The following ZNF311 variants were observed in gnomAD, a reference collection of about 807,000 sequenced individuals.
ZNF311 encodes zinc finger protein zfp31.
A neutral mutation model predicts 22.7 loss-of-function variants in ZNF311; 14 were observed. That is an observed-to-expected ratio of 0.62 (90% CI 0.41 to 0.96). The LOEUF (loss-of-function observed/expected upper bound fraction) is 0.96. Ranked by LOEUF, ZNF311 falls within the 40% of genes least tolerant of loss-of-function variation. ZNF311 has a pLI of 0.00. For synonymous variants in ZNF311, 250 were observed against 275.3 expected (o/e 0.91, Z 0.91); for missense variants, 731 against 799.0 (o/e 0.91, Z 1.03).
At chr6:29,004,442 C>CTTTTTTTT (rs9280531) in intron 1 of ZNF311, among the ~76,000 whole-genome samples, 14 of 30,596 alleles carry the variant, frequency 4.6e-4, no homozygotes, top group Non-Finnish European at 5.2e-4. Context: ...TTCCTCCTTT[C>CTTTTTTTT]TTTTTTTTTT....
At chr6:28,998,001 G>A (rs1258736368) in intron 6 of ZNF311, among the ~76,000 whole-genome samples, 2 of 151,930 alleles carry the variant, frequency 1.3e-5, no homozygotes, top group Non-Finnish European at 2.9e-5. Flanking sequence ...CCTCCCCAAA[G>A]CTATTCTAAG....
chr6:29,004,216 T>C lies in ZNF311; in HGVS notation c.-260-2A>G. 7.2e-7 allele frequency: 1 copy of C among 1,397,108 alleles called. No individual in the cohort carries two copies. The highest frequency in any genetic ancestry group is 9.3e-7 in the Non-Finnish European group (1 of 1,079,392). 86.5% of individuals were successfully genotyped at this position (1,397,108 alleles called of 1,614,324 possible). On this transcript the variant is annotated splice_acceptor_variant, in intron 1 of 6. Coordinates refer to ENST00000377179, the MANE Select transcript of ZNF311 (RefSeq NM_001382360.1). LOFTEE classifies it low-confidence loss of function (5UTR_SPLICE). ...GCTGTGATCTCACATCTTGTTTCCC[T>C]GCATATTTGGTGAAGGGAAAAGAGG... is the stretch of plus-strand genomic sequence containing the variant.
Position 28,995,233 on chromosome 6 carries a change from G to T in ZNF311, c.1769C>A (p.Thr590Lys), listed in dbSNP as rs75164486. ...EKPYTCSECGTSFRQGSALIG... is the reference protein window; with the variant it reads ...EKPYTCSECGKSFRQGSALIG... ...CAGAGCTGAGCCCTGACGGAAGGAC[G>T]TGCCACACTCACTGCAGGTGTATGG... The change falls in exon 7 of 7, where the codon ACG becomes AAG. Residue 590 changes from threonine (T) to lysine (K), a missense_variant. Coordinates refer to ENST00000377179, the MANE Select transcript of ZNF311 (RefSeq NM_001382360.1). The surrounding 1 kb of genome is among the most constrained non-coding windows in gnomAD (Gnocchi z 4.7). 640 of 1,614,068 alleles carry T rather than the reference G, an allele frequency of 4.0e-4. No homozygotes were observed. Among genetic ancestry groups the T allele is most frequent in the Non-Finnish European group, 5.2e-4 (612 of 1,180,040 alleles).
chr6:28,999,082 CTGTT>C (rs1233623434), intron 5 of ZNF311, among the ~76,000 whole-genome samples: 3 of 148,124 alleles, frequency 2.0e-5, no homozygotes, highest in Admixed American at 6.7e-5. Context: ...GTGTGCTCTC[CTGTT>C]TTTTTTTTTT....
chr6:29,004,614 C>T (rs1225450656), intron 1 of ZNF311, among the ~76,000 whole-genome samples: 2 of 152,130 alleles, frequency 1.3e-5, no homozygotes, highest in Non-Finnish European at 1.5e-5. Flanking sequence ...CTGCTGAAAA[C>T]TCTCCAGTGG....
At position 28,996,106 on chromosome 6, in the gene ZNF311, CCT is replaced by C. The variant is rs748265670; in HGVS notation, c.894_895del (p.Lys301ThrfsTer3). On this transcript the variant is annotated frameshift_variant, in exon 7 of 7. Coordinates refer to ENST00000377179, the MANE Select transcript of ZNF311 (RefSeq NM_001382360.1). LOFTEE classifies it low-confidence loss of function (END_TRUNC). ...CTGGGTGCAATTAAAAGGTTTCTCC[CCT>C]GTGTGGATTATCCGGTGCATAGAAA... The C allele has an allele frequency of 1.1e-5, 18 of 1,613,184 alleles. No homozygotes were observed. Among genetic ancestry groups the C allele is most frequent in the Admixed American group, 6.7e-5 (4 of 59,986 alleles).
rs1780139434 is a variant in ZNF311 at position 28,999,535 on chromosome 6, G to C, written c.262C>G (p.Leu88Val). Reference protein sequence around the residue: ...WQCLTYAQRHLYKDVMLENYG... With the variant: ...WQCLTYAQRHVYKDVMLENYG... Reference sequence around the variant, plus strand: ...TTTTCCAACATCACATCCTTATAGAGATGCCTTTGAGCGTAGGTCAGACAC... The same window carrying C: ...TTTTCCAACATCACATCCTTATAGACATGCCTTTGAGCGTAGGTCAGACAC... The change falls in exon 5 of 7, where the codon CTC becomes GTC. Residue 88 changes from leucine (L) to valine (V), a missense_variant. Leu to Val is a conservative substitution (Grantham distance 32). Transcript: ENST00000377179. 1 of 1,613,598 alleles carries C rather than the reference G, an allele frequency of 6.2e-7. No homozygotes were observed. The highest frequency in any genetic ancestry group is 8.5e-7 in the Non-Finnish European group (1 of 1,179,984).
intron 5 of ZNF311, 57 bp downstream of exon 5, chr6:28,999,430 T>A: frequency 6.8e-7 from 1 of 1,469,012 alleles, no homozygotes; most frequent in Non-Finnish European, 9.1e-7. Flanking sequence ...AATAAATAAA[T>A]CAATTAAATA....
At chr6:29,000,557 G>C (rs1352766189) in intron 3 of ZNF311, among the ~76,000 whole-genome samples, 1 of 152,056 alleles carries the variant, frequency 6.6e-6, no homozygotes, top group Non-Finnish European at 1.5e-5. Flanking sequence ...CTTAATGGCT[G>C]GTCTACCTCC....
intron 6 of ZNF311, among the ~76,000 whole-genome samples, chr6:28,996,955 A>G (rs1459047403): frequency 6.6e-6 from 1 of 152,188 alleles, no homozygotes; most frequent in Non-Finnish European, 1.5e-5. Context: ...AGGTGCTGAA[A>G]TGCTGATGCA....
rs1413643181 is a variant in ZNF311 at position 29,003,681 on chromosome 6, C to T, written c.10-87G>A. On this transcript the variant is annotated intron_variant, in intron 2 of 6. Transcript: ENST00000377179. ...ATGCAAGCAACCATACAGGTCTATC[C>T]ACAGAAACTGTCTCCCAGAAATACC... The T allele has an allele frequency of 2.0e-6, 3 of 1,492,156 alleles. No homozygotes were observed. In the African/African-American group the frequency reaches 4.1e-5, roughly 21 times the overall value. 92.4% of individuals were successfully genotyped at this position (1,492,156 alleles called of 1,614,324 possible).
rs1427795511 is a variant in ZNF311 at position 28,995,500 on chromosome 6, C to A, written c.1502G>T (p.Cys501Phe). 6.2e-7 allele frequency: 1 copy of A among 1,613,164 alleles called. No individual in the cohort carries two copies. Among genetic ancestry groups the A allele is most frequent in the Admixed American group, 1.7e-5 (1 of 59,882 alleles). Residue 501 changes from cysteine (C) to phenylalanine (F), a missense_variant, in exon 7 of 7, where the codon TGC becomes TTC. Cys to Phe is a radical substitution (Grantham distance 205, BLOSUM62 -2). Transcript: ENST00000377179. This position sits in a 1 kb window ranked among gnomAD's most constrained non-coding sequence, Gnocchi z 4.7. ...REHTGEKPYQCRDCGKTFQDK... is the reference protein window; with the variant it reads ...REHTGEKPYQFRDCGKTFQDK... ...TTGGAAGGTTTTCCCACAATCCCTG[C>A]ATTGATAGGGCTTCTCCCCTGTATG...
At chr6:28,998,869 G>GT (rs776866060) in intron 5 of ZNF311, 31 bp from the exon 6 acceptor site, 3 of 1,497,434 alleles carry the variant, frequency 2.0e-6, no homozygotes, top group East Asian at 4.5e-5. Context: ...AGTGTGTAGA[G>GT]TAACTTATAA....
intron 3 of ZNF311, among the ~76,000 whole-genome samples, chr6:29,001,137 T>A (rs1399846897): frequency 1.3e-5 from 2 of 152,220 alleles, no homozygotes; most frequent in Non-Finnish European, 2.9e-5. Context: ...GCCAGCTCAA[T>A]CTTTCTGTAG....
intron 2 of ZNF311, 151 bp from the exon 3 acceptor site, chr6:29,003,745 C>G (rs1487724664): frequency 2.6e-5 from 37 of 1,404,096 alleles, no homozygotes; most frequent in Non-Finnish European, 3.6e-5. Context: ...TTCCTAATAC[C>G]TTATGAAAAC....
intron 6 of ZNF311, among the ~76,000 whole-genome samples, chr6:28,997,177 A>C (rs1779728557): frequency 6.6e-6 from 1 of 152,202 alleles, no homozygotes; most frequent in African/African-American, 2.4e-5. Context: ...TTTAGCACTT[A>C]AATTTGAGAA....
At chr6:29,001,162 G>A (rs1242592542) in intron 3 of ZNF311, among the ~76,000 whole-genome samples, 1 of 152,076 alleles carries the variant, frequency 6.6e-6, no homozygotes, top group Non-Finnish European at 1.5e-5. Flanking sequence ...AATGTTTAAG[G>A]TGCCTTATTT....
In ZNF311 at chr6:28,996,271, T is replaced by C; in HGVS notation, c.731A>G (p.Gln244Arg). Residue 244 changes from glutamine to arginine, a missense_variant, in exon 7 of 7, where the codon CAG becomes CGG. By Grantham distance (43) the Gln-to-Arg change is conservative. Transcript: ENST00000377179. ...ACACCTGGCACATTCATGGAGTTTC[T>C]GTGCTATAAGAACTTTATTACATTG... ...HSQCNKVLIA[Q>R]KLHECARCGK... is the part of the protein sequence containing the mutation. 1 of 1,613,162 alleles carries C rather than the reference T, an allele frequency of 6.2e-7. No homozygotes were observed. The highest frequency in any genetic ancestry group is 8.5e-7 in the Non-Finnish European group (1 of 1,180,054).
At chr6:29,000,099 TCTC>T (rs760246404) in intron 3 of ZNF311, 52 bp from the exon 4 acceptor site, 20 of 1,519,042 alleles carry the variant, frequency 1.3e-5, no homozygotes, top group African/African-American at 8.2e-5. Flanking sequence ...ATTAATGAAA[TCTC>T]CTGCATTCGT....
Sources: gnomAD v4.1 joint callset for allele counts (sites outside exome capture counted in the v4.1 genomes callset) on GRCh38, gnomAD v4.1.1 for gene constraint, Gnocchi (gnomAD v3.1) non-coding constraint, MANE v1.5 for transcripts, NCBI Gene and HGNC (gene_info 2026-07-23, HGNC 2026-07-21) for gene names.